Variants in GFRA2 observed in about 807,000 individuals in gnomAD.
GFRA2 encodes GDNF family receptor alpha-2.
Under a neutral mutation model 48.3 loss-of-function variants are expected in GFRA2, and 17 were observed. That is an observed-to-expected ratio of 0.35 (90% CI 0.24 to 0.53). The LOEUF (loss-of-function observed/expected upper bound fraction) is 0.53, where lower values mean the gene tolerates loss of function less well. GFRA2 is among the 20% of genes least tolerant of loss of function. GFRA2 has a pLI of 0.93. For missense variants in GFRA2, 660 were observed against 637.3 expected, an observed-to-expected ratio of 1.04 and a Z score of -0.38; for synonymous variants, 305 against 257.2, an observed-to-expected ratio of 1.19 and a Z score of -1.78.
At chr8:21,775,775 G>A (rs1227488737) in intron 2 of GFRA2, among the ~76,000 whole-genome samples, 1 of 152,098 alleles carries the variant, frequency 6.6e-6, no homozygotes, top group Non-Finnish European at 1.5e-5. Context: ...CCACCTGCAG[G>A]CTCCTTGGAC....
intron 1 of GFRA2, among the ~76,000 whole-genome samples, chr8:21,806,667 G>A (rs769382799): frequency 7.9e-5 from 12 of 152,118 alleles, no homozygotes; most frequent in Admixed American, 1.3e-4. Context: ...GGGTCTTGCC[G>A]TGTTGCCTAG....
chr8:21,728,343 T>C lies in GFRA2; in HGVS notation c.794+22245A>G, dbSNP rs375876852. Among the ~76,000 whole-genome samples, 224 of 148,790 alleles carry C rather than the reference T, an allele frequency of 1.5e-3. 1 individual carries two copies. Among genetic ancestry groups the C allele is most frequent in the South Asian group, 7.0e-3 (32 of 4,556 alleles). ...AGGCTGGAGTGCAGTGGTGTGATCT[T>C]AGCTCACTGCAACCTCTGCCTCCCG... is the stretch of plus-strand genomic sequence containing the variant. On this transcript the variant is annotated intron_variant, in intron 4 of 8. Transcript: ENST00000524240.
At chr8:21,715,164 C>G (rs1394951394) in intron 4 of GFRA2, among the ~76,000 whole-genome samples, 1 of 152,202 alleles carries the variant, frequency 6.6e-6, no homozygotes, top group Non-Finnish European at 1.5e-5. Context: ...TTCATGAAGT[C>G]AAGGACCAAC....
chr8:21,732,509 C>G (rs868269498), intron 4 of GFRA2, among the ~76,000 whole-genome samples: 1 of 152,132 alleles, frequency 6.6e-6, no homozygotes, highest in Non-Finnish European at 1.5e-5. Flanking sequence ...TTTACAGCCA[C>G]GGGGGCACAT....
intron 2 of GFRA2, chr8:21,779,416 C>G (rs112870548): frequency 0.047 from 7,175 of 152,322 alleles, 222 homozygotes; most frequent in Non-Finnish European, 0.073. Context: ...CCCAAGTGCC[C>G]CCCCGGCTGT....
chr8:21,767,093 CCA>C (rs1249566281), intron 3 of GFRA2, among the ~76,000 whole-genome samples: 2 of 106,260 alleles, frequency 1.9e-5, no homozygotes, highest in Admixed American at 1.9e-4. Flanking sequence ...CACACACACC[CCA>C]CACACACCAC....
upstream of GFRA2, among the ~76,000 whole-genome samples, chr8:21,789,630 G>A (rs937782153): frequency 6.6e-6 from 1 of 151,944 alleles, no homozygotes; most frequent in Middle Eastern, 3.2e-3. Flanking sequence ...CGAACCCAAC[G>A]CATCCTGCCG....
At chr8:21,745,318 G>C (rs1386242873) in intron 4 of GFRA2, among the ~76,000 whole-genome samples, 1 of 152,186 alleles carries the variant, frequency 6.6e-6, no homozygotes, top group African/African-American at 2.4e-5. Context: ...GCAGGAGGAG[G>C]GACCACAGGG....
In GFRA2 at chr8:21,788,540, G is replaced by A; in HGVS notation, c.-381C>T. The A allele has an allele frequency of 2.9e-6, 3 of 1,023,206 alleles. No individual in the cohort carries two copies. Among genetic ancestry groups the A allele is most frequent in the Non-Finnish European group, 3.5e-6 (3 of 855,494 alleles). 63.4% of individuals were successfully genotyped at this position (1,023,206 alleles called of 1,614,324 possible). ...CGCTTCCCAGGAGGGGCCTGGGGAG[G>A]TGGGGAGAGAGGCGATTTGCGAGTG... On this transcript the variant is annotated 5_prime_UTR_variant, in exon 1 of 9. Transcript: ENST00000524240.
At chr8:21,775,192 T>C in intron 2 of GFRA2, 137 bp from the exon 3 acceptor site, 1 of 626,454 alleles carries the variant, frequency 1.6e-6, no homozygotes, top group Non-Finnish European at 2.9e-6. Context: ...GGGCAGCCCT[T>C]CCCAAAGTGA....
chr8:21,809,570 G>A (rs1025797447), intron 1 of GFRA2, among the ~76,000 whole-genome samples: 5 of 152,044 alleles, frequency 3.3e-5, no homozygotes, highest in East Asian at 1.9e-4. Flanking sequence ...CTCGTGATCC[G>A]CCCGCCTCGG....
intron 4 of GFRA2, among the ~76,000 whole-genome samples, chr8:21,744,277 A>G (rs1434443577): frequency 6.6e-6 from 1 of 152,130 alleles, no homozygotes; most frequent in Non-Finnish European, 1.5e-5. Flanking sequence ...CTGCTTCCCA[A>G]CAAGCCTCTC....
chr8:21,717,672 C>T (rs1771426137), intron 4 of GFRA2, among the ~76,000 whole-genome samples: 1 of 152,142 alleles, frequency 6.6e-6, no homozygotes, highest in South Asian at 2.1e-4. Context: ...GACTGTCTAT[C>T]CTAAGACAAA....
At chr8:21,783,921 T>G (rs1807138668) in intron 1 of GFRA2, among the ~76,000 whole-genome samples, 1 of 152,062 alleles carries the variant, frequency 6.6e-6, no homozygotes, top group South Asian at 2.1e-4. Flanking sequence ...TCTCAGCTCC[T>G]CTCTTTCTTT....
chr8:21,765,924 C>T (rs912463641), intron 3 of GFRA2, among the ~76,000 whole-genome samples: 9 of 152,160 alleles, frequency 5.9e-5, no homozygotes, highest in Non-Finnish European at 1.3e-4. Flanking sequence ...TCCTCTCCAT[C>T]TCACCTATGA....
chr8:21,741,857 A>C (rs2117551992), intron 4 of GFRA2, among the ~76,000 whole-genome samples: 1 of 151,762 alleles, frequency 6.6e-6, no homozygotes, highest in South Asian at 2.1e-4. Flanking sequence ...AGGAGGCAGA[A>C]GTTACAGTGA....
At chr8:21,771,188 C>G (rs1770035648) in intron 3 of GFRA2, among the ~76,000 whole-genome samples, 1 of 152,268 alleles carries the variant, frequency 6.6e-6, no homozygotes, top group South Asian at 2.1e-4. Context: ...AAAAAGGCCA[C>G]AGTGAGCCCC....
chr8:21,743,101 G>A (rs571339591), intron 4 of GFRA2, among the ~76,000 whole-genome samples: 129 of 152,260 alleles, frequency 8.5e-4, no homozygotes, highest in African/African-American at 2.9e-3. Context: ...AGGGTCACTC[G>A]GGGACCCTTG....
intron 3 of GFRA2, 136 bp from the exon 4 acceptor site, chr8:21,751,078 C>T (rs1434017549): frequency 2.0e-5 from 13 of 656,982 alleles, no homozygotes; most frequent in South Asian, 7.7e-5. Flanking sequence ...TCCCCCTTTG[C>T]GAAATGGGGA....
Sources: gnomAD v4.1 joint callset for allele counts (sites outside exome capture counted in the v4.1 genomes callset) on GRCh38, gnomAD v4.1.1 for gene constraint, MANE v1.5 for transcripts, NCBI Gene and HGNC (gene_info 2026-07-23, HGNC 2026-07-21) for gene names.